VPS13A: variants seen among roughly 807,000 people sequenced by gnomAD.
VPS13A encodes the protein vacuolar protein sorting 13 homolog A.
In VPS13A, 264 loss-of-function variants were observed where a neutral mutation model predicts 390.9. The ratio of observed to expected loss-of-function variants is 0.68; its 90% CI spans 0.61 to 0.75. VPS13A has a LOEUF of 0.75. Ranked by LOEUF, VPS13A falls within the 30% of genes least tolerant of loss-of-function variation. The pLI is 0.00. For synonymous variants in VPS13A, 1,231 were observed against 1,227.1 expected (o/e 1.00, Z -0.07); for missense variants, 3,409 against 3,733.9 (o/e 0.91, Z 2.27).
At chr9:77,339,193 G>T in intron 47 of VPS13A, 1 of 270,274 alleles carries the variant, frequency 3.7e-6, no homozygotes, top group Non-Finnish European at 7.0e-6. Flanking sequence ...TTGTCTTTTT[G>T]TCGTTGTTTT....
At position 77,220,693 on chromosome 9, in the gene VPS13A, C is replaced by T. The variant is rs536373858; in HGVS notation, c.989+310C>T. Among the ~76,000 whole-genome samples the T allele has an allele frequency of 1.4e-4, 21 of 152,154 alleles. No individual in the cohort carries two copies. The South Asian group carries it at 4.1e-3, about 30-fold the overall frequency. On this transcript the variant is annotated intron_variant, in intron 12 of 71. Coordinates refer to ENST00000360280, the MANE Select transcript of VPS13A (RefSeq NM_033305.3). ...CCTGGTTTGTTTTCTTGCATTGTCT[C>T]TCCCCAACCCCCACCTCAGCTTCCC...
chr9:77,223,828 G>A (rs544099565), intron 13 of VPS13A, among the ~76,000 whole-genome samples: 1 of 152,290 alleles, frequency 6.6e-6, no homozygotes, highest in South Asian at 2.1e-4. Context: ...CAGATTTTCA[G>A]TGTAGATGTA....
intron 33 of VPS13A, among the ~76,000 whole-genome samples, chr9:77,302,367 C>CTTTTTTTTTTTTT (rs750574896): frequency 7.4e-6 from 1 of 136,040 alleles, no homozygotes; most frequent in Admixed American, 7.5e-5. Context: ...ATATTTTTCC[C>CTTTTTTTTTTTTT]CTTTTTTTTT....
At chr9:77,350,248 A>G (rs17063558) in intron 52 of VPS13A, among the ~76,000 whole-genome samples, 5,064 of 152,252 alleles carry the variant, frequency 0.033, 208 homozygotes, top group East Asian at 0.12. Context: ...TATGTTTTCA[A>G]ACAGATTAAT....
chr9:77,336,836 G>A (rs1051898528), intron 46 of VPS13A, among the ~76,000 whole-genome samples: 9 of 119,608 alleles, frequency 7.5e-5, no homozygotes, highest in African/African-American at 3.0e-4. Context: ...AGGCTCTGTC[G>A]CCCAGGCTGG....
intron 59 of VPS13A, among the ~76,000 whole-genome samples, chr9:77,364,966 TC>T (rs1275020902): frequency 7.9e-5 from 12 of 152,168 alleles, no homozygotes; most frequent in African/African-American, 2.4e-4. Context: ...AGAAGTTACT[TC>T]CGTCTGAGCA....
At chr9:77,374,612 T>G (rs900121842) in intron 67 of VPS13A, among the ~76,000 whole-genome samples, 1 of 152,234 alleles carries the variant, frequency 6.6e-6, no homozygotes, top group Admixed American at 6.5e-5. Flanking sequence ...CACAGTTGAC[T>G]GTGGATAACT....
At chr9:77,181,540 A>G (rs1824019446) in intron 1 of VPS13A, among the ~76,000 whole-genome samples, 1 of 151,386 alleles carries the variant, frequency 6.6e-6, no homozygotes, top group African/African-American at 2.4e-5. Flanking sequence ...AAAAAAAGAA[A>G]CTGGATGCTG....
At chr9:77,353,663 A>G in intron 54 of VPS13A, 22 bp downstream of exon 54, 2 of 1,560,912 alleles carry the variant, frequency 1.3e-6, no homozygotes, top group Non-Finnish European at 1.8e-6. Context: ...TAAATTTTGG[A>G]TACATTTAAA....
rs375935102 is a variant in VPS13A, at chr9:77,282,221, C to T, written c.3065C>T (p.Ala1022Val). ...NILPQSEEKS[A>V]PVSTTETEDK... ...CTTCCGCAATCAGAGGAAAAATCAG[C>T]CCCAGTGTCCACTACAGAGACTGAA... Residue 1022 changes from alanine to valine, a missense_variant, in exon 29 of 72, where the codon GCC becomes GTC. Physicochemically the swap from Ala to Val is moderately conservative, Grantham distance 64. This residue lies in a region of VPS13A where 2,717 missense variants were observed against 2,917.4 expected (regional missense o/e 0.93). Transcript: ENST00000360280. 1 of 1,613,532 alleles carries T rather than the reference C, an allele frequency of 6.2e-7. No individual in the cohort carries two copies. The highest frequency in any genetic ancestry group is 8.5e-7 in the Non-Finnish European group (1 of 1,179,772).
intron 31 of VPS13A, among the ~76,000 whole-genome samples, chr9:77,284,885 G>A (rs995155929): frequency 2.0e-5 from 3 of 151,716 alleles, no homozygotes; most frequent in Non-Finnish European, 4.4e-5. Context: ...TATATTTTTA[G>A]TAGAGACAGG....
intron 68 of VPS13A, among the ~76,000 whole-genome samples, chr9:77,386,074 C>G (rs973940635): frequency 6.6e-6 from 1 of 151,984 alleles, no homozygotes; most frequent in African/African-American, 2.4e-5. Context: ...ATGTAAACAT[C>G]AAAAAATTCA....
rs114179183 is a variant in VPS13A, at chr9:77,313,795, A to T, written c.4115-197A>T. Among the ~76,000 whole-genome samples the T allele has an allele frequency of 0.014, 2,157 of 152,302 alleles. 51 individuals carry two copies. The highest frequency in any genetic ancestry group is 0.049 in the African/African-American group (2,036 of 41,546). Reference sequence around the variant, plus strand: ...AATAGAAACACCAAGTGTTCAATTAATATTCCCAAATTATTATGGAAAGAG... The same window carrying T: ...AATAGAAACACCAAGTGTTCAATTATTATTCCCAAATTATTATGGAAAGAG... On this transcript the variant is annotated intron_variant, in intron 35 of 71. Coordinates refer to ENST00000360280, the MANE Select transcript of VPS13A (RefSeq NM_033305.3).
chr9:77,392,700 A>G (rs1000551639), intron 68 of VPS13A, among the ~76,000 whole-genome samples: 3 of 151,294 alleles, frequency 2.0e-5, no homozygotes, highest in African/African-American at 7.3e-5. Context: ...ATGTACAATC[A>G]CGTCGTTAAA....
Position 77,325,802 on chromosome 9 carries a change from T to C in VPS13A, c.5991+2575T>C, listed in dbSNP as rs550159236. Among the ~76,000 whole-genome samples the C allele has an allele frequency of 2.6e-5, 4 of 152,286 alleles. No individual in the cohort carries two copies. The South Asian group carries it at 8.3e-4, about 32-fold the overall frequency. ...CTTCTCATCTCCCACATTCGTATAA[T>C]TATGTTCATACATTTTTGTGTCTAT... On this transcript the variant is annotated intron_variant, in intron 45 of 71. Transcript: ENST00000360280.
chr9:77,209,696 TC>T (rs777125490), intron 6 of VPS13A, among the ~76,000 whole-genome samples, 164 bp downstream of exon 6: 9 of 152,192 alleles, frequency 5.9e-5, no homozygotes, highest in Non-Finnish European at 1.3e-4. Context: ...TAATTTGCAG[TC>T]CTTAGTGTTG....
rs1294645327 is a variant in VPS13A at position 77,230,621 on chromosome 9, A to G, written c.1595+2357A>G. Among the ~76,000 whole-genome samples, 4 of 152,094 alleles carry G rather than the reference A, an allele frequency of 2.6e-5. No individual in the cohort carries two copies. The South Asian group carries it at 6.2e-4, about 24-fold the overall frequency. Reference sequence around the variant, plus strand: ...CTTATGCCAGTACCCTACTGTCTTAATTATGGTGGCTTTATAGTAGAACTT... The same window carrying G: ...CTTATGCCAGTACCCTACTGTCTTAGTTATGGTGGCTTTATAGTAGAACTT... On this transcript the variant is annotated intron_variant, in intron 17 of 71. Coordinates refer to ENST00000360280, the MANE Select transcript of VPS13A (RefSeq NM_033305.3).
chr9:77,334,185 G>A (rs1318395496), intron 46 of VPS13A, among the ~76,000 whole-genome samples: 2 of 152,206 alleles, frequency 1.3e-5, no homozygotes, highest in Non-Finnish European at 2.9e-5. Flanking sequence ...AAAAGGAATA[G>A]TTGGGAATTT....
chr9:77,347,199 A>AT (rs1033726785), intron 52 of VPS13A, among the ~76,000 whole-genome samples: 26 of 151,606 alleles, frequency 1.7e-4, no homozygotes, highest in African/African-American at 4.8e-4. Flanking sequence ...AAATTTCAGG[A>AT]TTTTTTTTCT....
Sources: gnomAD v4.1 joint callset for allele counts (sites outside exome capture counted in the v4.1 genomes callset) on GRCh38, gnomAD v4.1.1 for gene constraint, gnomAD v4.1.1 regional missense constraint, MANE v1.5 for transcripts, NCBI Gene and HGNC (gene_info 2026-07-23, HGNC 2026-07-21) for gene names.